Variants in CD300A observed in about 807,000 individuals in gnomAD.
CD300A encodes CD300a molecule, also known as CMRF35-like molecule 8.
In CD300A, 22 loss-of-function variants were observed where a neutral mutation model predicts 33.6. That is an observed-to-expected ratio of 0.66 (90% CI 0.47 to 0.94). The LOEUF (loss-of-function observed/expected upper bound fraction) is 0.94. CD300A is among the 40% of genes least tolerant of loss of function. The pLI is 0.00. For synonymous variants in CD300A, 136 were observed against 148.1 expected, an observed-to-expected ratio of 0.92 and a Z score of 0.59; for missense variants, 326 against 360.5, an observed-to-expected ratio of 0.90 and a Z score of 0.77.
chr17:74,476,910 A>G (rs779571264), intron 3 of CD300A, among the ~76,000 whole-genome samples: 1 of 152,018 alleles, frequency 6.6e-6, no homozygotes, highest in Non-Finnish European at 1.5e-5. Context: ...GATCCCGTAC[A>G]TTCGTATTTG....
intron 6 of CD300A, among the ~76,000 whole-genome samples, chr17:74,482,770 G>C (rs552962156): frequency 6.8e-6 from 1 of 146,878 alleles, no homozygotes; most frequent in South Asian, 2.1e-4. Flanking sequence ...GAATGCAGTG[G>C]CACAGTCTTG....
Position 74,484,069 on chromosome 17 carries a change from T to C in CD300A, c.843T>C (p.Ala281=). 3 of 1,614,080 alleles carry C rather than the reference T, an allele frequency of 1.9e-6. No individual in the cohort carries two copies. Among genetic ancestry groups the C allele is most frequent in the Non-Finnish European group, 1.7e-6 (2 of 1,179,982 alleles). The change falls in exon 7 of 7, where the codon GCT becomes GCC. Residue 281 remains alanine (A), a synonymous_variant. Coordinates refer to ENST00000360141, the MANE Select transcript of CD300A (RefSeq NM_007261.4). ...ATTCTAACACCAACAGGATAGCTGC[T>C]CAGAGGCCTCGGGAGGAGGAACCAG... ...VFDSNTNRIA[A]QRPREEEPDS... is the part of the protein sequence containing the mutation.
chr17:74,476,413 C>T (rs1906464470), intron 3 of CD300A, among the ~76,000 whole-genome samples: 1 of 152,202 alleles, frequency 6.6e-6, no homozygotes, highest in Non-Finnish European at 1.5e-5. Flanking sequence ...AGGCAAAATT[C>T]AGGCTTGAAC....
At chr17:74,481,248 T>G (rs1906821413) in intron 4 of CD300A, 41 bp from the exon 5 acceptor site, 1 of 1,606,202 alleles carries the variant, frequency 6.2e-7, no homozygotes. Context: ...TCCTGGCCAT[T>G]GTTCCGGGAT....
intron 2 of CD300A, among the ~76,000 whole-genome samples, 153 bp downstream of exon 2, chr17:74,474,027 C>T (rs749160582): frequency 1.3e-5 from 2 of 152,032 alleles, no homozygotes; most frequent in Non-Finnish European, 2.9e-5. Context: ...GGGGGTCTCT[C>T]CTGGAGCAGC....
At chr17:74,477,367 A>T in intron 3 of CD300A, 69 bp from the exon 4 acceptor site, 1 of 1,045,260 alleles carries the variant, frequency 9.6e-7, no homozygotes, top group Non-Finnish European at 1.4e-6. Context: ...AAAAATAAAA[A>T]ATAAAAATAA....
At chr17:74,466,606 G>C, upstream of CD300A, 1 of 1,364,864 alleles carries the variant, frequency 7.3e-7, no homozygotes, top group Non-Finnish European at 1.0e-6. Context: ...GCGGCACCAA[G>C]AAAAGCAGAA....
intron 5 of CD300A, 93 bp downstream of exon 5, chr17:74,481,419 T>TTGGA: frequency 8.3e-7 from 1 of 1,201,362 alleles, no homozygotes; most frequent in South Asian, 1.2e-5. Flanking sequence ...CCAACGGAGG[T>TTGGA]TGGATGGAGC....
intron 2 of CD300A, 123 bp downstream of exon 2, chr17:74,473,997 G>C: frequency 8.8e-7 from 1 of 1,132,896 alleles, no homozygotes; most frequent in South Asian, 1.6e-5. Context: ...AGAGAGGTGG[G>C]GGCCAGGGGA....
At chr17:74,482,732 T>TTCTTTCTTTCTTTCTTTCTTTTCTTTCTC (rs1336360956) in intron 6 of CD300A, among the ~76,000 whole-genome samples, 2 of 133,044 alleles carry the variant, frequency 1.5e-5, no homozygotes, top group South Asian at 4.5e-4. Flanking sequence ...CTTTCTTTCT[T>TTCTTTCTTTCTTTCTTTCTTTTCTTTCTC]TGGAATCTCG....
rs576149610 is a variant in CD300A, at chr17:74,480,229, T to G, written c.629-1060T>G. Among the ~76,000 whole-genome samples, 126 of 152,162 alleles carry G rather than the reference T, an allele frequency of 8.3e-4. No homozygotes were observed. Among genetic ancestry groups the G allele is most frequent in the African/African-American group, 2.7e-3 (111 of 41,526 alleles). ...TCAGCAAGCCCGTCACTATACGTGG[T>G]CTTGTGTCTCCCAACCGTGGGCTCC... On this transcript the variant is annotated intron_variant, in intron 4 of 6. Coordinates refer to ENST00000360141, the MANE Select transcript of CD300A (RefSeq NM_007261.4). The surrounding 1 kb of genome is among the most constrained non-coding windows in gnomAD (Gnocchi z 4.2).
chr17:74,483,818 G>T (rs1288333790), intron 6 of CD300A, among the ~76,000 whole-genome samples, 183 bp from the exon 7 acceptor site: 1 of 152,178 alleles, frequency 6.6e-6, no homozygotes, highest in Non-Finnish European at 1.5e-5. Context: ...GCTGCTGCTT[G>T]CCCAGTTGGG....
intron 1 of CD300A, among the ~76,000 whole-genome samples, chr17:74,468,750 G>A (rs1905896471): frequency 2.0e-5 from 3 of 151,992 alleles, no homozygotes; most frequent in East Asian, 3.9e-4. Flanking sequence ...TCCGCCTCCC[G>A]GGTTCAAGTG....
chr17:74,478,053 A>G (rs2144527874), intron 4 of CD300A, among the ~76,000 whole-genome samples: 1 of 152,038 alleles, frequency 6.6e-6, no homozygotes, highest in Admixed American at 6.5e-5. Flanking sequence ...CCATCCGCGC[A>G]CCCTGGAAAC....
At chr17:74,468,947 A>G (rs1368016240) in intron 1 of CD300A, among the ~76,000 whole-genome samples, 1 of 152,156 alleles carries the variant, frequency 6.6e-6, no homozygotes, top group African/African-American at 2.4e-5. Context: ...TTTATTATTT[A>G]TAGAAATTAT....
rs1906279251 is a variant in CD300A at position 74,473,874 on chromosome 17, G to A, written c.379G>A (p.Ala127Thr). Residue 127 changes from alanine (A) to threonine (T), a missense_variant and splice_region_variant, in exon 2 of 7, where the codon GCA (alanine) becomes ACA (threonine). Physicochemically the swap from Ala to Thr is moderately conservative, Grantham distance 58. Coordinates refer to ENST00000360141, the MANE Select transcript of CD300A (RefSeq NM_007261.4). ...VVEVEVSVFPASTSMTPASIT... is the reference protein window; with the variant it reads ...VVEVEVSVFPTSTSMTPASIT... ...CGAGGTTGAGGTGTCCGTGTTCCCG[G>A]GTGAGCCCCTCCTTCCCTCAGCGCC... 1 of 1,608,292 alleles carries A rather than the reference G, an allele frequency of 6.2e-7. No individual in the cohort carries two copies. The highest frequency in any genetic ancestry group is 1.3e-5 in the African/African-American group (1 of 74,830).
intron 3 of CD300A, among the ~76,000 whole-genome samples, chr17:74,475,284 A>G (rs1906385989): frequency 6.6e-6 from 1 of 152,182 alleles, no homozygotes; most frequent in South Asian, 2.1e-4. Flanking sequence ...TGATTCAGTT[A>G]TCTCCCACTG....
At chr17:74,473,422 C>T (rs1331834341) in intron 1 of CD300A, 114 bp from the exon 2 acceptor site, 2 of 984,158 alleles carry the variant, frequency 2.0e-6, no homozygotes, top group Non-Finnish European at 3.1e-6. Context: ...GACAAGGCCT[C>T]TCTGCCTGCC....
intron 6 of CD300A, 94 bp downstream of exon 6, chr17:74,481,927 C>G: frequency 2.3e-6 from 2 of 856,096 alleles, no homozygotes; most frequent in Non-Finnish European, 3.7e-6. Context: ...AAGGGGTCGG[C>G]TTGGTGATCT....
Sources: allele counts gnomAD v4.1 joint callset (sites outside exome capture counted in the v4.1 genomes callset), GRCh38; gene constraint gnomAD v4.1.1; non-coding constraint Gnocchi (gnomAD v3.1); transcripts MANE v1.5; gene names NCBI Gene and HGNC (gene_info 2026-07-23, HGNC 2026-07-21).